The following PEPD variants were observed in gnomAD, a reference collection of about 807,000 sequenced individuals.
PEPD encodes the protein peptidase D, also known as xaa-Pro dipeptidase.
PEPD carries 53 observed loss-of-function variants against 60.7 expected under a neutral mutation model. The ratio of observed to expected loss-of-function variants is 0.87; its 90% confidence interval spans 0.70 to 1.10. PEPD has a LOEUF of 1.10. Among genes scored for constraint, PEPD ranks in the 50% least tolerant of loss-of-function variants. The probability of loss-of-function intolerance (pLI) is 0.00; values close to 1 mark genes in which losing one functional copy is unlikely to be tolerated. For missense variants in PEPD, 711 were observed against 711.9 expected (o/e 1.00, Z 0.01); for synonymous variants, 267 against 284.1 (o/e 0.94, Z 0.60).
chr19:33,489,657 G>T (rs1421592653), intron 6 of PEPD, among the ~76,000 whole-genome samples: 4 of 151,770 alleles, frequency 2.6e-5, no homozygotes, highest in Non-Finnish European at 1.5e-5. Context: ...AAAGAAAGGG[G>T]GTGGTGGCTT....
intron 9 of PEPD, among the ~76,000 whole-genome samples, chr19:33,436,481 C>T (rs1367863660): frequency 6.6e-6 from 1 of 152,188 alleles, no homozygotes; most frequent in Non-Finnish European, 1.5e-5. Context: ...TGCATGGCTG[C>T]ATGGGCTATG....
intron 7 of PEPD, among the ~76,000 whole-genome samples, chr19:33,469,280 C>T (rs553342191): frequency 1.3e-3 from 193 of 152,320 alleles, no homozygotes; most frequent in African/African-American, 4.2e-3. Flanking sequence ...GTGCCTGCTC[C>T]AGGAGCACTG....
At chr19:33,445,515 C>T (rs1244328740) in intron 9 of PEPD, among the ~76,000 whole-genome samples, 1 of 152,168 alleles carries the variant, frequency 6.6e-6, no homozygotes, top group Non-Finnish European at 1.5e-5. Flanking sequence ...CCCAGGGATG[C>T]GTGCACACAG....
intron 13 of PEPD, among the ~76,000 whole-genome samples, chr19:33,389,928 G>C (rs1968173217): frequency 6.6e-6 from 1 of 152,374 alleles, no homozygotes; most frequent in Admixed American, 6.5e-5. Context: ...CGGGTGGAGC[G>C]CAGAGCCATG....
chr19:33,519,619 T>C (rs1307421308), intron 1 of PEPD, among the ~76,000 whole-genome samples: 2 of 152,172 alleles, frequency 1.3e-5, no homozygotes, highest in Non-Finnish European at 2.9e-5. Flanking sequence ...GAAAGCCCCA[T>C]ACCAGACTGG....
At chr19:33,475,422 G>T (rs939499867) in intron 7 of PEPD, among the ~76,000 whole-genome samples, 2 of 151,904 alleles carry the variant, frequency 1.3e-5, no homozygotes. Flanking sequence ...TGGACCCACC[G>T]AGAGTGACTG....
intron 13 of PEPD, among the ~76,000 whole-genome samples, chr19:33,389,680 C>T (rs1018191371): frequency 6.6e-6 from 1 of 152,228 alleles, no homozygotes; most frequent in South Asian, 2.1e-4. Flanking sequence ...CCATGGTACA[C>T]GGTTGAGGGG....
At chr19:33,486,816 C>G (rs932429428) in intron 6 of PEPD, 1 of 152,372 alleles carries the variant, frequency 6.6e-6, no homozygotes, top group Non-Finnish European at 1.5e-5. Context: ...AGGTGGGGAC[C>G]ACTGTCTACC....
At chr19:33,483,268 T>C (rs1158805779) in intron 6 of PEPD, among the ~76,000 whole-genome samples, 1 of 152,152 alleles carries the variant, frequency 6.6e-6, no homozygotes, top group Non-Finnish European at 1.5e-5. Context: ...AGAATGACCC[T>C]TGAAGAAAGC....
intron 9 of PEPD, among the ~76,000 whole-genome samples, chr19:33,433,823 C>T (rs951088289): frequency 1.3e-5 from 2 of 152,232 alleles, no homozygotes; most frequent in African/African-American, 4.8e-5. Flanking sequence ...GTTAGGAGGA[C>T]CACTCAGGTC....
Position 33,391,446 on chromosome 19 carries a change from T to C in PEPD, c.1001A>G (p.Asp334Gly). Reference sequence around the variant, plus strand: ...GGCCAGCTCCTCCAGGTGGATGCGGTCAGCCAGGCGGTGCATGTCAGGCCA... The same window carrying C: ...GGCCAGCTCCTCCAGGTGGATGCGGCCAGCCAGGCGGTGCATGTCAGGCCA... ...VWWPDMHRLA[D>G]RIHLEELAHM... The change falls in exon 13 of 15, where the codon GAC becomes GGC. Residue 334 changes from aspartate to glycine, a missense_variant. Transcript: ENST00000244137. 2 of 1,556,304 alleles carry C rather than the reference T, an allele frequency of 1.3e-6. No individual in the cohort carries two copies. The highest frequency in any genetic ancestry group is 1.7e-6 in the Non-Finnish European group (2 of 1,150,264).
chr19:33,451,912 A>C (rs1969707851), intron 9 of PEPD, among the ~76,000 whole-genome samples: 1 of 152,236 alleles, frequency 6.6e-6, no homozygotes, highest in Non-Finnish European at 1.5e-5. Flanking sequence ...ATCTATCATG[A>C]ATCACAAAGA....
intron 4 of PEPD, among the ~76,000 whole-genome samples, chr19:33,495,043 G>A (rs1344233043): frequency 6.6e-6 from 1 of 151,964 alleles, no homozygotes; most frequent in Admixed American, 6.6e-5. Flanking sequence ...GGCTGAGGCA[G>A]GAGAATGGCA....
At chr19:33,467,250 G>C (rs1970037831) in intron 7 of PEPD, among the ~76,000 whole-genome samples, 1 of 116,278 alleles carries the variant, frequency 8.6e-6, no homozygotes, top group Non-Finnish European at 2.2e-5. Context: ...CCCTGGGCTT[G>C]TGACATCCGA....
chr19:33,453,039 T>C (rs1194349185), intron 9 of PEPD, among the ~76,000 whole-genome samples: 1 of 152,142 alleles, frequency 6.6e-6, no homozygotes, highest in Non-Finnish European at 1.5e-5. Context: ...ATAACAACAA[T>C]GGCCAGGCAT....
At chr19:33,491,298 A>G (rs1319052315) in intron 5 of PEPD, among the ~76,000 whole-genome samples, 3 of 152,014 alleles carry the variant, frequency 2.0e-5, no homozygotes, top group African/African-American at 7.2e-5. Context: ...AAAAAACACA[A>G]TATTAGCTGG....
chr19:33,488,963 G>A (rs28442571), intron 6 of PEPD, among the ~76,000 whole-genome samples: 126 of 152,144 alleles, frequency 8.3e-4, no homozygotes, highest in African/African-American at 3.0e-3. Flanking sequence ...CAGCAGCCTC[G>A]AGCGCAGGGG....
At chr19:33,412,888 G>T (rs996145095) in intron 10 of PEPD, among the ~76,000 whole-genome samples, 4 of 152,188 alleles carry the variant, frequency 2.6e-5, no homozygotes, top group Non-Finnish European at 5.9e-5. Flanking sequence ...GGACGCATGT[G>T]GGGGCAGACA....
Position 33,389,623 on chromosome 19 carries a change from C to CAGG in PEPD, c.1153-1543_1153-1542insCCT, listed in dbSNP as rs1282085117. 2.0e-5 allele frequency among the ~76,000 whole-genome samples: 3 copies of CAGG among 152,236 alleles called. No homozygotes were observed. In the East Asian group the frequency reaches 5.8e-4, roughly 29 times the overall value. ...CAAGGGCCTGCCAACGTCAGGTTTC[C>CAGG]TTCCTTCCAGTCACCCCTCCATCCC... is the stretch of plus-strand genomic sequence containing the variant. On this transcript the variant is annotated intron_variant, in intron 13 of 14. Coordinates refer to ENST00000244137, the MANE Select transcript of PEPD (RefSeq NM_000285.4).
Sources: allele counts gnomAD v4.1 joint callset (sites outside exome capture counted in the v4.1 genomes callset), GRCh38; gene constraint gnomAD v4.1.1; transcripts MANE v1.5; gene names NCBI Gene and HGNC (gene_info 2026-07-23, HGNC 2026-07-21).